Variants in RAD51B observed in about 807,000 individuals in gnomAD.
RAD51B encodes the protein RAD51 paralog B.
In RAD51B, 38 loss-of-function variants were observed where a neutral mutation model predicts 42.2. That is an observed-to-expected ratio of 0.90 (90% confidence interval 0.70 to 1.18). The LOEUF is 1.18. RAD51B is among the 50% of genes most tolerant of loss of function. RAD51B has a pLI of 0.00. For synonymous variants in RAD51B, 154 were observed against 145.2 expected (o/e 1.06, Z -0.43); for missense variants, 373 against 400.7 (o/e 0.93, Z 0.59).
intron 7 of RAD51B, among the ~76,000 whole-genome samples, chr14:68,104,527 T>C (rs1037967383): frequency 3.9e-5 from 6 of 152,174 alleles, no homozygotes; most frequent in Non-Finnish European, 5.9e-5. Flanking sequence ...GAATTCTGTG[T>C]CTTAAAATTC....
chr14:68,591,319 C>T (rs140382934), intron 10 of RAD51B, among the ~76,000 whole-genome samples: 19 of 152,320 alleles, frequency 1.2e-4, no homozygotes, highest in African/African-American at 4.6e-4. Context: ...ACTCTGGATG[C>T]GCTGAACAAC....
chr14:68,125,578 A>C (rs1169888602), intron 7 of RAD51B, among the ~76,000 whole-genome samples: 1 of 152,214 alleles, frequency 6.6e-6, no homozygotes. Context: ...GAGCAGTGGC[A>C]GAGCACTTTG....
chr14:68,374,586 C>T (rs2083328014), intron 8 of RAD51B, among the ~76,000 whole-genome samples: 1 of 151,970 alleles, frequency 6.6e-6, no homozygotes, highest in Non-Finnish European at 1.5e-5. Context: ...TAGCCCTAAC[C>T]ACTTAACAAC....
chr14:68,245,687 G>A (rs756614277), intron 7 of RAD51B, among the ~76,000 whole-genome samples: 3 of 152,236 alleles, frequency 2.0e-5, no homozygotes, highest in East Asian at 1.9e-4. Flanking sequence ...GCTCTCACAA[G>A]TTGAATAGGG....
At chr14:68,162,523 C>T (rs570958493) in intron 7 of RAD51B, among the ~76,000 whole-genome samples, 39 of 152,258 alleles carry the variant, frequency 2.6e-4, no homozygotes, top group Non-Finnish European at 3.8e-4. Flanking sequence ...TAGTGGCTCA[C>T]GCCAGTAATA....
chr14:68,301,472 A>G (rs1267879822), intron 8 of RAD51B, among the ~76,000 whole-genome samples: 1 of 152,194 alleles, frequency 6.6e-6, no homozygotes, highest in Non-Finnish European at 1.5e-5. Context: ...CTTCAGGGAC[A>G]AAACTAGAAC....
chr14:67,858,725 A>C (rs1164037937), intron 4 of RAD51B, among the ~76,000 whole-genome samples: 1 of 152,214 alleles, frequency 6.6e-6, no homozygotes, highest in Admixed American at 6.5e-5. Flanking sequence ...TCAGGCTTTG[A>C]ACTGTATCCG....
intron 7 of RAD51B, among the ~76,000 whole-genome samples, chr14:68,197,332 T>G (rs1016776510): frequency 5.3e-5 from 8 of 152,148 alleles, no homozygotes; most frequent in African/African-American, 1.9e-4. Flanking sequence ...TCTTTTTAGA[T>G]TTATCCATGT....
chr14:67,960,468 A>G (rs1264032035), intron 7 of RAD51B, among the ~76,000 whole-genome samples: 1 of 152,194 alleles, frequency 6.6e-6, no homozygotes. Flanking sequence ...CTTTCACTTT[A>G]GAAAAATAGA....
intron 4 of RAD51B, among the ~76,000 whole-genome samples, chr14:67,864,371 T>G (rs1220101493): frequency 2.0e-5 from 3 of 152,232 alleles, no homozygotes; most frequent in South Asian, 2.1e-4. Context: ...AAAGTAGGAA[T>G]CACCTAAACT....
intron 3 of RAD51B, among the ~76,000 whole-genome samples, chr14:67,832,414 T>C (rs2041085539): frequency 6.6e-6 from 1 of 152,254 alleles, no homozygotes; most frequent in African/African-American, 2.4e-5. Context: ...TTGTTAATAA[T>C]GGTTATCTCA....
intron 9 of RAD51B, among the ~76,000 whole-genome samples, chr14:68,439,091 G>A (rs182394064): frequency 1.8e-3 from 279 of 152,074 alleles, no homozygotes; most frequent in African/African-American, 6.6e-3. Context: ...TTTCCATTGA[G>A]TCTGGTTAGT....
At chr14:68,506,760 G>A (rs576215963) in intron 10 of RAD51B, among the ~76,000 whole-genome samples, 5 of 152,256 alleles carry the variant, frequency 3.3e-5, no homozygotes, top group Admixed American at 3.3e-4. Flanking sequence ...GTGTATGTAT[G>A]GGCACATCTC....
chr14:68,283,558 A>G (rs1317598432), intron 7 of RAD51B, among the ~76,000 whole-genome samples: 2 of 152,122 alleles, frequency 1.3e-5, no homozygotes, highest in Admixed American at 1.3e-4. Flanking sequence ...CAGTTCACCA[A>G]TTGTGCATGT....
At chr14:67,824,859 A>C (rs1171059862) in intron 2 of RAD51B, among the ~76,000 whole-genome samples, 2 of 151,616 alleles carry the variant, frequency 1.3e-5, no homozygotes, top group Non-Finnish European at 2.9e-5. Flanking sequence ...TGGGCAGATC[A>C]TGAGGTCAGG....
chr14:68,595,951 C>CTTTTT, exon 11 of RAD51B: 1 of 337,696 alleles, frequency 3.0e-6, no homozygotes, highest in Non-Finnish European at 4.3e-6. Context: ...TTGGAATTGT[C>CTTTTT]TTTTTTTTTT....
intron 8 of RAD51B, among the ~76,000 whole-genome samples, chr14:68,352,269 T>G (rs1197173264): frequency 6.6e-6 from 1 of 152,226 alleles, no homozygotes; most frequent in East Asian, 1.9e-4. Context: ...GTTGTGGTGC[T>G]GTATTTCTGT....
intron 10 of RAD51B, among the ~76,000 whole-genome samples, chr14:68,512,196 C>A (rs1398208760): frequency 6.6e-6 from 1 of 152,222 alleles, no homozygotes; most frequent in Admixed American, 6.5e-5. Flanking sequence ...GTGACCCCCA[C>A]TCCCAACAGC....
chr14:67,929,601 C>T (rs1009057868), intron 7 of RAD51B, among the ~76,000 whole-genome samples: 3 of 152,130 alleles, frequency 2.0e-5, no homozygotes, highest in Admixed American at 2.0e-4. Flanking sequence ...TCCATTTGGT[C>T]TAAAGTCCCG....
Sources: gnomAD v4.1 joint callset for allele counts (sites outside exome capture counted in the v4.1 genomes callset) on GRCh38, gnomAD v4.1.1 for gene constraint, MANE v1.5 for transcripts, NCBI Gene and HGNC (gene_info 2026-07-23, HGNC 2026-07-21) for gene names.